The following TEX11 variants were observed in gnomAD, a reference collection of about 807,000 sequenced individuals.
TEX11 encodes the protein testis expressed 11, also known as testis-expressed protein 11.
TEX11 carries 7 observed loss-of-function variants against 84.4 expected under a neutral mutation model. That is an observed-to-expected ratio of 0.08 (90% confidence interval 0.05 to 0.16). TEX11 has a LOEUF of 0.16. Among genes scored for constraint, TEX11 ranks in the 10% least tolerant of loss-of-function variants. The pLI, the probability that TEX11 is intolerant of heterozygous loss-of-function variation, is 1.00. For missense variants in TEX11, 551 were observed against 660.5 expected (o/e 0.83, Z 1.82); for synonymous variants, 264 against 222.8 (o/e 1.18, Z -1.64).
At chrX:70,658,131 G>A (rs73220876) in intron 16 of TEX11, among the ~76,000 whole-genome samples, 12,477 of 111,293 alleles carry the variant, frequency 0.11, 586 homozygotes, top group Middle Eastern at 0.19. Context: ...ATAAGAATTA[G>A]CGGTGGGGCG....
At chrX:70,690,386 A>T (rs1482837814) in intron 13 of TEX11, among the ~76,000 whole-genome samples, 2 of 111,911 alleles carry the variant, frequency 1.8e-5, no homozygotes, top group Non-Finnish European at 3.8e-5. Flanking sequence ...TGTAAAACTA[A>T]AAGTAAACTA....
intron 2 of TEX11, among the ~76,000 whole-genome samples, chrX:70,896,787 A>T (rs1331692891): frequency 1.8e-5 from 2 of 110,285 alleles, no homozygotes; most frequent in African/African-American, 6.6e-5. Flanking sequence ...ACCAAACACC[A>T]CATGTTCTCA....
chrX:70,878,449 G>A (rs1479571635), intron 3 of TEX11, among the ~76,000 whole-genome samples: 1 of 110,466 alleles, frequency 9.1e-6, no homozygotes, highest in Non-Finnish European at 1.9e-5. Flanking sequence ...GGGATTACAG[G>A]CGTGAGTCAC....
At chrX:70,660,002 C>CA (rs1375928276) in intron 16 of TEX11, among the ~76,000 whole-genome samples, 1 of 112,155 alleles carries the variant, frequency 8.9e-6, no homozygotes, top group African/African-American at 3.2e-5. Flanking sequence ...TCCTAGGCTA[C>CA]AAATCTCTAC....
At chrX:70,759,305 G>A (rs2090891747) in intron 9 of TEX11, among the ~76,000 whole-genome samples, 1 of 111,300 alleles carries the variant, frequency 9.0e-6, no homozygotes, top group African/African-American at 3.3e-5. Flanking sequence ...GCCTGGCAGG[G>A]ACACAACAAA....
intron 24 of TEX11, 61 bp downstream of exon 24, chrX:70,605,340 A>C: frequency 2.7e-6 from 2 of 740,001 alleles, no homozygotes; most frequent in Admixed American, 2.6e-5. Context: ...TGCATCAGGG[A>C]AGGCAAACAT....
chrX:70,694,695 T>C (rs1286338609), intron 13 of TEX11, among the ~76,000 whole-genome samples: 2 of 112,213 alleles, frequency 1.8e-5, no homozygotes, highest in Non-Finnish European at 3.8e-5. Flanking sequence ...TTTGTGTTGC[T>C]GTAACAGAAT....
At chrX:70,695,503 C>A (rs1381543766) in intron 13 of TEX11, among the ~76,000 whole-genome samples, 1 of 111,650 alleles carries the variant, frequency 9.0e-6, no homozygotes, top group Non-Finnish European at 1.9e-5. Flanking sequence ...CACAAGGAAC[C>A]TTTTGGGGGT....
At chrX:70,795,533 A>T (rs889989531) in intron 9 of TEX11, among the ~76,000 whole-genome samples, 18 of 111,707 alleles carry the variant, frequency 1.6e-4, no homozygotes, top group Admixed American at 1.5e-3. Context: ...CTTGGGTGAG[A>T]CCCAGTACTA....
At chrX:70,530,790 T>C (rs2087877277) in intron 28 of TEX11, among the ~76,000 whole-genome samples, 1 of 111,932 alleles carries the variant, frequency 8.9e-6, no homozygotes, top group African/African-American at 3.2e-5. Flanking sequence ...AACACTGTGA[T>C]AATGAGGGCA....
At chrX:70,516,621 T>C in the TEX11 span, among the ~76,000 whole-genome samples, 3 of 111,543 alleles carry the variant, frequency 2.7e-5, no homozygotes, top group African/African-American at 9.8e-5. Context: ...TTTGGTTCCA[T>C]ATGAACTTTA....
At chrX:70,842,511 C>T (rs1006979784) in intron 7 of TEX11, among the ~76,000 whole-genome samples, 1 of 111,619 alleles carries the variant, frequency 9.0e-6, no homozygotes, top group Non-Finnish European at 1.9e-5. Flanking sequence ...TATGACAAAC[C>T]CACAGCCAAT....
chrX:70,850,416 C>G (rs914273773), intron 7 of TEX11, among the ~76,000 whole-genome samples: 1 of 110,663 alleles, frequency 9.0e-6, no homozygotes, highest in Non-Finnish European at 1.9e-5. Context: ...CGTCACATCA[C>G]TGATTTAAGT....
chrX:70,586,295 C>T (rs1039222191), intron 25 of TEX11, among the ~76,000 whole-genome samples: 2 of 112,058 alleles, frequency 1.8e-5, no homozygotes, highest in Non-Finnish European at 3.8e-5. Context: ...ACTGAAAGCA[C>T]AAGCAACAAA....
chrX:70,515,375 G>C, the TEX11 span, among the ~76,000 whole-genome samples: 1 of 107,237 alleles, frequency 9.3e-6, no homozygotes, highest in Non-Finnish European at 1.9e-5. Context: ...GTGGTGTTTC[G>C]TTTTCTGTCC....
At chrX:70,759,724 C>T (rs937118673) in intron 9 of TEX11, among the ~76,000 whole-genome samples, 5 of 111,680 alleles carry the variant, frequency 4.5e-5, no homozygotes, top group Admixed American at 9.6e-5. Context: ...TGCCCTCTCT[C>T]ACCACTCCTA....
chrX:70,823,354 T>C (rs1262336103), intron 8 of TEX11, among the ~76,000 whole-genome samples: 3 of 110,593 alleles, frequency 2.7e-5, no homozygotes, highest in Non-Finnish European at 5.7e-5. Context: ...GTTAATAACA[T>C]TGTGTTGTGT....
At chrX:70,906,040 C>T (rs2091827382) in intron 2 of TEX11, among the ~76,000 whole-genome samples, 1 of 32,608 alleles carries the variant, frequency 3.1e-5, no homozygotes, top group African/African-American at 1.2e-4. Flanking sequence ...GCAACAAGAG[C>T]AAAACTCTGT....
intron 28 of TEX11, among the ~76,000 whole-genome samples, chrX:70,532,523 G>T (rs2087901287): frequency 9.2e-6 from 1 of 108,994 alleles, no homozygotes; most frequent in Non-Finnish European, 1.9e-5. Context: ...ATCACCTGAG[G>T]TCGGGAGTTC....
Sources: gnomAD v4.1 joint callset for allele counts (sites outside exome capture counted in the v4.1 genomes callset) on GRCh38, gnomAD v4.1.1 for gene constraint, MANE v1.5 for transcripts, NCBI Gene and HGNC (gene_info 2026-07-23, HGNC 2026-07-21) for gene names.